NBEAL1: variants seen among roughly 807,000 people sequenced by gnomAD.
The protein encoded by NBEAL1 is neurobeachin-like protein 1.
Under a neutral mutation model 351.3 loss-of-function variants are expected in NBEAL1, and 273 were observed. That is an observed-to-expected ratio of 0.78 (90% confidence interval 0.70 to 0.86). NBEAL1 has a LOEUF of 0.86. Ranked by LOEUF, NBEAL1 falls within the 40% of genes least tolerant of loss-of-function variation. The pLI, the probability that NBEAL1 is intolerant of heterozygous loss-of-function variation, is 0.00. For synonymous variants in NBEAL1, 1,050 were observed against 1,086.4 expected (o/e 0.97, Z 0.66); for missense variants, 2,961 against 3,201.3 (o/e 0.92, Z 1.81).
intron 37 of NBEAL1, among the ~76,000 whole-genome samples, chr2:203,166,743 C>T (rs1261497684): frequency 6.6e-6 from 1 of 150,768 alleles, no homozygotes; most frequent in Non-Finnish European, 1.5e-5. Flanking sequence ...TTAGTAGAGA[C>T]AGGGTTTCTT....
chr2:203,148,167 T>C (rs1329500158), intron 33 of NBEAL1, among the ~76,000 whole-genome samples: 1 of 152,090 alleles, frequency 6.6e-6, no homozygotes, highest in African/African-American at 2.4e-5. Flanking sequence ...GAGAACTTGC[T>C]ATTTTTCTAG....
chr2:203,099,224 C>T (rs569687249), intron 11 of NBEAL1, among the ~76,000 whole-genome samples: 121 of 149,984 alleles, frequency 8.1e-4, no homozygotes, highest in African/African-American at 2.8e-3. Context: ...TGCAGTGAGC[C>T]GAGATTGCAC....
Position 203,111,948 on chromosome 2 carries a change from T to G in NBEAL1, c.2083-31T>G, listed in dbSNP as rs1298714514. ...TCATTCCAAAGACATAATGTAATTT[T>G]ATCCTTTAAATGTGTGTTTCACTTT... On this transcript the variant is annotated intron_variant, in intron 15 of 55. Transcript: ENST00000683969. The G allele has an allele frequency of 1.0e-5, 16 of 1,535,242 alleles. No homozygotes were observed. The East Asian group carries it at 3.7e-4, about 35-fold the overall frequency.
intron 15 of NBEAL1, among the ~76,000 whole-genome samples, chr2:203,111,671 A>G (rs1046295339): frequency 1.3e-5 from 2 of 152,306 alleles, no homozygotes; most frequent in Non-Finnish European, 1.5e-5. Flanking sequence ...GTTGTTTTAA[A>G]TAATGCATTT....
At chr2:203,214,545 C>T (rs1398065300) in intron 55 of NBEAL1, among the ~76,000 whole-genome samples, 1 of 152,078 alleles carries the variant, frequency 6.6e-6, no homozygotes, top group Non-Finnish European at 1.5e-5. Context: ...GGGACCGAGA[C>T]GAGCGGATCA....
At chr2:203,020,206 T>C (rs2060745513) in intron 2 of NBEAL1, among the ~76,000 whole-genome samples, 1 of 152,198 alleles carries the variant, frequency 6.6e-6, no homozygotes, top group Non-Finnish European at 1.5e-5. Context: ...CTTCACTTTC[T>C]CCTTCTAGGA....
intron 55 of NBEAL1, among the ~76,000 whole-genome samples, chr2:203,216,316 A>C (rs2065895511): frequency 6.6e-6 from 1 of 152,196 alleles, no homozygotes; most frequent in African/African-American, 2.4e-5. Context: ...TGAAAGCCTT[A>C]AAATATTTTA....
Position 203,094,493 on chromosome 2 carries a change from C to A in NBEAL1, c.1099-3054C>A, listed in dbSNP as rs918352808. ...TATTTAGACCCATTGGAAACTTTGGCAAATAAAGTTTAAAATATCATAAAC... is the reference window on the plus strand; with the variant it reads ...TATTTAGACCCATTGGAAACTTTGGAAAATAAAGTTTAAAATATCATAAAC... On this transcript the variant is annotated intron_variant, in intron 10 of 55. Coordinates refer to ENST00000683969, the MANE Select transcript of NBEAL1 (RefSeq NM_001378026.1). Among the ~76,000 whole-genome samples the A allele has an allele frequency of 5.3e-5, 8 of 152,220 alleles. No homozygotes were observed. In the East Asian group the frequency reaches 1.2e-3, roughly 22 times the overall value.
chr2:203,038,870 G>A (rs1022197572), intron 2 of NBEAL1, among the ~76,000 whole-genome samples: 5 of 148,154 alleles, frequency 3.4e-5, no homozygotes, highest in African/African-American at 1.2e-4. Flanking sequence ...TGAAGAGATG[G>A]GATCTCACTA....
intron 18 of NBEAL1, among the ~76,000 whole-genome samples, chr2:203,118,886 G>A (rs1281701913): frequency 6.6e-6 from 1 of 152,074 alleles, no homozygotes; most frequent in Non-Finnish European, 1.5e-5. Flanking sequence ...ACCGCACTGG[G>A]CCTGACTGGT....
chr2:203,061,303 T>C (rs1288842179), intron 6 of NBEAL1: 2 of 152,224 alleles, frequency 1.3e-5, no homozygotes, highest in African/African-American at 2.4e-5. Context: ...TTGCATGTTT[T>C]CCAATATTCC....
At chr2:203,158,096 T>C (rs1021203696) in intron 36 of NBEAL1, among the ~76,000 whole-genome samples, 1 of 152,158 alleles carries the variant, frequency 6.6e-6, no homozygotes, top group African/African-American at 2.4e-5. Flanking sequence ...CAGCTATACC[T>C]GTGTTCAGAT....
At chr2:203,135,407 C>G (rs1430909067) in intron 27 of NBEAL1, among the ~76,000 whole-genome samples, 1 of 152,010 alleles carries the variant, frequency 6.6e-6, no homozygotes, top group East Asian at 1.9e-4. Context: ...ATACCATCAT[C>G]CTATTCATTT....
Position 203,183,320 on chromosome 2 carries a change from A to G in NBEAL1, c.6637A>G (p.Asn2213Asp), listed in dbSNP as rs1266631996. The G allele has an allele frequency of 1.2e-6, 2 of 1,601,534 alleles. No individual in the cohort carries two copies. Among genetic ancestry groups the G allele is most frequent in the Non-Finnish European group, 1.7e-6 (2 of 1,174,870 alleles). ...GRLQISKELV[N>D]DVILPKWAKS... Reference sequence around the variant, plus strand: ...TCTACAGATTTCCAAAGAATTAGTAAATGATGTCATTCTCCCGAAATGGGC... The same window carrying G: ...TCTACAGATTTCCAAAGAATTAGTAGATGATGTCATTCTCCCGAAATGGGC... The change falls in exon 44 of 56, where the codon AAT (asparagine) becomes GAT (aspartate). Residue 2213 changes from asparagine to aspartate, a missense_variant. Asn to Asp is a conservative substitution (Grantham distance 23, BLOSUM62 1). Transcript: ENST00000683969.
intron 33 of NBEAL1, among the ~76,000 whole-genome samples, chr2:203,146,865 G>A (rs1377176899): frequency 6.6e-6 from 1 of 152,056 alleles, no homozygotes; most frequent in Non-Finnish European, 1.5e-5. Flanking sequence ...ATGCAGGACT[G>A]GTTCAACATT....
chr2:203,221,834 A>G lies in NBEAL1; in HGVS notation c.*4480A>G, dbSNP rs2065957241. Among the ~76,000 whole-genome samples the G allele has an allele frequency of 6.6e-6, 1 of 152,200 alleles. No individual in the cohort carries two copies. The highest frequency in any genetic ancestry group is 2.1e-4 in the South Asian group (1 of 4,828). The stretch of plus-strand genomic sequence containing the variant: ...TTTCTTGATGACCTTAGGCAACAAT[A>G]TAGTGTTATCAGTCATCATTTTAAT... On this transcript the variant is annotated 3_prime_UTR_variant, in exon 56 of 56. Coordinates refer to ENST00000683969, the MANE Select transcript of NBEAL1 (RefSeq NM_001378026.1).
intron 38 of NBEAL1, among the ~76,000 whole-genome samples, chr2:203,169,388 TAAAAAAAAAAAA>T (rs1208449990): frequency 1.1e-5 from 1 of 89,662 alleles, no homozygotes; most frequent in South Asian, 4.0e-4. Flanking sequence ...TTGAATATAG[TAAAAAAAAAAAA>T]AAAAAAAAAA....
At chr2:203,027,320 C>A (rs372975052) in intron 2 of NBEAL1, among the ~76,000 whole-genome samples, 2 of 152,098 alleles carry the variant, frequency 1.3e-5, no homozygotes, top group African/African-American at 2.4e-5. Flanking sequence ...TTTATACAGA[C>A]CCTGCTGTCT....
chr2:203,098,942 G>A (rs2062244734), intron 11 of NBEAL1, among the ~76,000 whole-genome samples: 1 of 152,094 alleles, frequency 6.6e-6, no homozygotes, highest in African/African-American at 2.4e-5. Context: ...ATTTAAACCT[G>A]GATGGTTCAA....
Sources: gnomAD v4.1 joint callset for allele counts (sites outside exome capture counted in the v4.1 genomes callset) on GRCh38, gnomAD v4.1.1 for gene constraint, MANE v1.5 for transcripts, NCBI Gene and HGNC (gene_info 2026-07-23, HGNC 2026-07-21) for gene names.